The following GRIA4 variants were observed in gnomAD, a reference collection of about 807,000 sequenced individuals.
The protein encoded by GRIA4 is glutamate receptor 4.
A neutral mutation model predicts 104.0 loss-of-function variants in GRIA4; 34 were observed. The ratio of observed to expected loss-of-function variants is 0.33; its 90% confidence interval spans 0.25 to 0.44. The LOEUF (loss-of-function observed/expected upper bound fraction) is 0.44, where lower values mean the gene tolerates loss of function less well. Ranked by LOEUF, GRIA4 falls within the 20% of genes least tolerant of loss-of-function variation. The probability of loss-of-function intolerance (pLI) is 1.00; values close to 1 mark genes in which losing one functional copy is unlikely to be tolerated. For synonymous variants in GRIA4, 386 were observed against 381.9 expected, an observed-to-expected ratio of 1.01 and a Z score of -0.13; for missense variants, 750 against 1,096.5, an observed-to-expected ratio of 0.68 and a Z score of 4.46.
At chr11:105,927,266 T>C (rs1947734359) in intron 13 of GRIA4, among the ~76,000 whole-genome samples, 1 of 152,154 alleles carries the variant, frequency 6.6e-6, no homozygotes, top group Non-Finnish European at 1.5e-5. Flanking sequence ...ATTGGATTTA[T>C]GTCTGCTTTT....
At chr11:105,852,732 C>T (rs191790455) in intron 4 of GRIA4, among the ~76,000 whole-genome samples, 22 of 152,164 alleles carry the variant, frequency 1.4e-4, no homozygotes, top group African/African-American at 3.4e-4. Flanking sequence ...AAAAATTAGG[C>T]GAATCATATG....
intron 3 of GRIA4, among the ~76,000 whole-genome samples, chr11:105,643,964 C>A (rs977261712): frequency 1.3e-5 from 2 of 152,168 alleles, no homozygotes; most frequent in African/African-American, 2.4e-5. Flanking sequence ...GGTGATCCAC[C>A]TGCCTCGGCC....
Position 105,903,826 on chromosome 11 carries a change from C to G in GRIA4, c.898C>G (p.Leu300Val). Residue 300 changes from leucine to valine, a missense_variant, in exon 8 of 17, where the codon CTG (leucine) becomes GTG (valine). This residue lies in a region of GRIA4 where 410 missense variants were observed against 502.7 expected (regional missense o/e 0.82). Transcript: ENST00000282499. Reference sequence around the variant, plus strand: ...TTCATTTGGTTAGTACACCTCTGCTCTGACTTATGATGGAGTCCTTGTGAT... The same window carrying G: ...TTCATTTGGTTAGTACACCTCTGCTGTGACTTATGATGGAGTCCTTGTGAT... ...SETPPKYTSALTYDGVLVMAE... is the reference protein window; with the variant it reads ...SETPPKYTSAVTYDGVLVMAE... The G allele has an allele frequency of 6.2e-7, 1 of 1,609,196 alleles. No individual in the cohort carries two copies. The highest frequency in any genetic ancestry group is 1.1e-5 in the South Asian group (1 of 90,966).
intron 3 of GRIA4, among the ~76,000 whole-genome samples, chr11:105,751,640 T>C (rs905582962): frequency 7.2e-5 from 11 of 152,314 alleles, no homozygotes; most frequent in Non-Finnish European, 1.5e-4. Context: ...ATAAATGGTA[T>C]TTCTATTTAG....
At chr11:105,711,272 C>T (rs754408189) in intron 3 of GRIA4, among the ~76,000 whole-genome samples, 3 of 151,792 alleles carry the variant, frequency 2.0e-5, no homozygotes, top group Non-Finnish European at 4.4e-5. Flanking sequence ...TCAGTTCCCA[C>T]CTATGAGTCG....
At chr11:105,745,146 T>A (rs1939567416) in intron 3 of GRIA4, among the ~76,000 whole-genome samples, 1 of 152,274 alleles carries the variant, frequency 6.6e-6, no homozygotes, top group South Asian at 2.1e-4. Context: ...AACTAACATT[T>A]TTTCCAAAAT....
At chr11:105,916,084 T>C (rs912633451) in intron 10 of GRIA4, among the ~76,000 whole-genome samples, 1 of 152,108 alleles carries the variant, frequency 6.6e-6, no homozygotes, top group Admixed American at 6.6e-5. Flanking sequence ...CTTGGGAGGC[T>C]GAGGCAGGAG....
At chr11:105,912,198 A>G in intron 10 of GRIA4, 2 of 998,702 alleles carry the variant, frequency 2.0e-6, no homozygotes, top group Non-Finnish European at 2.4e-6. Context: ...TATGTAAATG[A>G]TGGAATTATA....
intron 3 of GRIA4, among the ~76,000 whole-genome samples, chr11:105,617,112 T>C (rs935697514): frequency 2.0e-5 from 3 of 149,740 alleles, no homozygotes; most frequent in African/African-American, 4.9e-5. Context: ...TTGGGAAATA[T>C]ATATATATAC....
chr11:105,920,323 T>C (rs1947525026), intron 11 of GRIA4, among the ~76,000 whole-genome samples: 1 of 152,206 alleles, frequency 6.6e-6, no homozygotes, highest in East Asian at 1.9e-4. Context: ...GCATTTGTTC[T>C]TTGGTTAATA....
At position 105,926,834 on chromosome 11, in the gene GRIA4, G is replaced by A. The variant is rs1423373922; in HGVS notation, c.1941G>A (p.Thr647=). 3.1e-6 allele frequency: 5 copies of A among 1,610,708 alleles called. No homozygotes were observed. Among genetic ancestry groups the A allele is most frequent in the Non-Finnish European group, 2.5e-6 (3 of 1,177,240 alleles). Residue 647 remains threonine, a synonymous_variant, in exon 13 of 17, where the codon ACG becomes ACA. Coordinates refer to ENST00000282499, the MANE Select transcript of GRIA4 (RefSeq NM_000829.4). ...SYTANLAAFL[T]VERMVSPIES... ...CTGCTAACCTCGCTGCTTTCCTGAC[G>A]GTTGAGCGAATGGTCTCTCCCATAG...
Position 105,878,864 on chromosome 11 carries a change from C to T in GRIA4, c.673-8655C>T, listed in dbSNP as rs1026540237. 2.0e-5 allele frequency among the ~76,000 whole-genome samples: 3 copies of T among 152,318 alleles called. No individual in the cohort carries two copies. The East Asian group carries it at 5.8e-4, about 29-fold the overall frequency. ...GGATCCACTGAGCTAGACAACTTGG[C>T]TCCCTGGCTTCAGCCCCCCTTTCCA... On this transcript the variant is annotated intron_variant, in intron 5 of 16. Transcript: ENST00000282499.
At chr11:105,736,877 C>A (rs1322065153) in intron 3 of GRIA4, among the ~76,000 whole-genome samples, 1 of 151,926 alleles carries the variant, frequency 6.6e-6, no homozygotes, top group Non-Finnish European at 1.5e-5. Flanking sequence ...TTGTACCAAG[C>A]CATATTCTAT....
chr11:105,978,022 T>A (rs1341330285), intron 16 of GRIA4, among the ~76,000 whole-genome samples: 1 of 152,088 alleles, frequency 6.6e-6, no homozygotes, highest in Non-Finnish European at 1.5e-5. Context: ...GGCAATGTAT[T>A]CATTTGCATT....
intron 14 of GRIA4, among the ~76,000 whole-genome samples, chr11:105,962,348 T>A (rs1236632392): frequency 6.6e-6 from 1 of 152,168 alleles, no homozygotes; most frequent in Non-Finnish European, 1.5e-5. Context: ...ACTAGATTAA[T>A]GTGCCCAAAA....
At chr11:105,733,630 G>A (rs1304635198) in intron 3 of GRIA4, among the ~76,000 whole-genome samples, 1 of 151,806 alleles carries the variant, frequency 6.6e-6, no homozygotes, top group Non-Finnish European at 1.5e-5. Flanking sequence ...CTAATTTTTT[G>A]TATTTTTAGT....
chr11:105,979,095 C>T (rs1859142160), intron 16 of GRIA4, among the ~76,000 whole-genome samples: 1 of 152,114 alleles, frequency 6.6e-6, no homozygotes, highest in Non-Finnish European at 1.5e-5. Context: ...GTGGATAGGT[C>T]TGTGTTATAA....
intron 4 of GRIA4, among the ~76,000 whole-genome samples, chr11:105,783,952 G>A (rs758969366): frequency 3.9e-5 from 6 of 152,078 alleles, no homozygotes; most frequent in Non-Finnish European, 7.4e-5. Flanking sequence ...AAATGTAACC[G>A]AATTATTAGA....
At chr11:105,701,262 T>G (rs1050792990) in intron 3 of GRIA4, among the ~76,000 whole-genome samples, 1 of 152,222 alleles carries the variant, frequency 6.6e-6, no homozygotes, top group African/African-American at 2.4e-5. Flanking sequence ...AAATATATCT[T>G]CTGTGCTTAA....
Sources: allele counts gnomAD v4.1 joint callset (sites outside exome capture counted in the v4.1 genomes callset), GRCh38; gene constraint gnomAD v4.1.1; regional missense constraint gnomAD v4.1.1; transcripts MANE v1.5; gene names NCBI Gene and HGNC (gene_info 2026-07-23, HGNC 2026-07-21).